The following IMPA2 variants were observed in gnomAD, a reference collection of about 807,000 sequenced individuals.
IMPA2 encodes the protein inositol monophosphatase 2.
A neutral mutation model predicts 35.1 loss-of-function variants in IMPA2; 32 were observed. The ratio of observed to expected loss-of-function variants is 0.91; its 90% CI spans 0.69 to 1.23. The LOEUF is 1.23. Among genes scored for constraint, IMPA2 ranks in the 50% most tolerant of loss-of-function variants. The pLI, the probability that IMPA2 is intolerant of heterozygous loss-of-function variation, is 0.00. For synonymous variants in IMPA2, 135 were observed against 160.6 expected, an observed-to-expected ratio of 0.84 and a Z score of 1.20; for missense variants, 334 against 387.6, an observed-to-expected ratio of 0.86 and a Z score of 1.16.
intron 1 of IMPA2, chr18:11,994,874 A>C (rs1396900844): frequency 6.6e-6 from 1 of 152,652 alleles, no homozygotes; most frequent in East Asian, 1.9e-4. Context: ...CTGTAGTCAC[A>C]GTTGGGTGAG....
At chr18:12,023,244 A>T (rs1907786243) in intron 5 of IMPA2, among the ~76,000 whole-genome samples, 2 of 152,172 alleles carry the variant, frequency 1.3e-5, no homozygotes, top group African/African-American at 4.8e-5. Context: ...GCCTTCACAC[A>T]ATCACCAGAC....
At chr18:11,997,530 A>G (rs1160987278) in intron 1 of IMPA2, among the ~76,000 whole-genome samples, 1 of 152,216 alleles carries the variant, frequency 6.6e-6, no homozygotes, top group Non-Finnish European at 1.5e-5. Context: ...TTGGCTCAGT[A>G]CAGCGTGGGC....
intron 7 of IMPA2, among the ~76,000 whole-genome samples, chr18:12,029,877 G>A (rs774438011): frequency 2.0e-5 from 3 of 152,180 alleles, no homozygotes; most frequent in Admixed American, 1.3e-4. Context: ...GAGCTTCTTC[G>A]AGTGTGGGTC....
intron 1 of IMPA2, among the ~76,000 whole-genome samples, chr18:11,987,278 C>T (rs1256477138): frequency 1.3e-5 from 2 of 152,230 alleles, no homozygotes; most frequent in Admixed American, 6.5e-5. Context: ...ACTTCCGCTG[C>T]ATGGTATTTT....
intron 7 of IMPA2, 123 bp downstream of exon 7, chr18:12,029,116 T>G (rs940425344): frequency 4.1e-5 from 36 of 881,508 alleles, no homozygotes; most frequent in South Asian, 1.3e-4. Flanking sequence ...CTGTTTTTTT[T>G]TTTTTTTTTT....
rs149521000 is a variant in IMPA2, at chr18:12,027,519, T to C, written c.491-524T>C. Among the ~76,000 whole-genome samples, 562 of 151,566 alleles carry C rather than the reference T, an allele frequency of 3.7e-3. 1 individual carries two copies. The highest frequency in any genetic ancestry group is 0.013 in the African/African-American group (517 of 41,290). On this transcript the variant is annotated intron_variant, in intron 5 of 7. Coordinates refer to ENST00000269159, the MANE Select transcript of IMPA2 (RefSeq NM_014214.3). Reference sequence around the variant, plus strand: ...ATTTTTTCCCTCCAAACATTGAGTGTTCCCAGTTTGGAGTCATTTTGCTTT... The same window carrying C: ...ATTTTTTCCCTCCAAACATTGAGTGCTCCCAGTTTGGAGTCATTTTGCTTT...
intron 3 of IMPA2, 125 bp from the exon 4 acceptor site, chr18:12,012,045 A>T: frequency 1.3e-6 from 1 of 766,302 alleles, no homozygotes; most frequent in Non-Finnish European, 2.2e-6. Context: ...AGTAGTTTTT[A>T]AACAACCAAC....
intron 7 of IMPA2, 87 bp from the exon 8 acceptor site, chr18:12,030,256 C>A: frequency 1.1e-6 from 1 of 931,870 alleles, no homozygotes; most frequent in Non-Finnish European, 1.7e-6. Context: ...ATTTCCTGTG[C>A]TGTGTGCATG....
intron 1 of IMPA2, among the ~76,000 whole-genome samples, chr18:11,985,571 G>T (rs1002453390): frequency 1.3e-5 from 2 of 152,192 alleles, no homozygotes; most frequent in African/African-American, 4.8e-5. Context: ...TACATTAGTT[G>T]TAAGTGAGTC....
chr18:12,022,592 G>T (rs1445291998), intron 5 of IMPA2, among the ~76,000 whole-genome samples: 1 of 140,786 alleles, frequency 7.1e-6, no homozygotes, highest in Non-Finnish European at 1.5e-5. Flanking sequence ...CTAAGATATG[G>T]TAAATATAGG....
chr18:11,988,950 T>A (rs1353613650), intron 1 of IMPA2, among the ~76,000 whole-genome samples: 1 of 152,108 alleles, frequency 6.6e-6, no homozygotes, highest in Non-Finnish European at 1.5e-5. Flanking sequence ...GCCTCCTGAG[T>A]AGCTGGGACT....
At chr18:12,025,425 T>C (rs1409759231) in intron 5 of IMPA2, among the ~76,000 whole-genome samples, 1 of 152,210 alleles carries the variant, frequency 6.6e-6, no homozygotes, top group East Asian at 1.9e-4. Context: ...AAGAGTATGT[T>C]TAGATTTGTA....
chr18:12,005,376 T>C (rs1199016214), intron 2 of IMPA2, among the ~76,000 whole-genome samples: 2 of 152,144 alleles, frequency 1.3e-5, no homozygotes, highest in Non-Finnish European at 2.9e-5. Flanking sequence ...TCCCAGCTAC[T>C]CAGGAGGCTG....
intron 2 of IMPA2, among the ~76,000 whole-genome samples, chr18:11,999,557 G>T (rs596136): frequency 0.2 from 30,660 of 152,248 alleles, 3,682 homozygotes; most frequent in East Asian, 0.34. Context: ...ATGTCCCCTG[G>T]TGGCCTATGC....
At chr18:11,986,156 T>C (rs1276613738) in intron 1 of IMPA2, among the ~76,000 whole-genome samples, 3 of 152,036 alleles carry the variant, frequency 2.0e-5, no homozygotes, top group African/African-American at 7.2e-5. Context: ...ACTTCCCCCT[T>C]CTCTAGTTGG....
At chr18:12,029,106 C>CTTTTTTT in intron 7 of IMPA2, 113 bp downstream of exon 7, 2 of 358,094 alleles carry the variant, frequency 5.6e-6, no homozygotes, top group African/African-American at 3.0e-5. Flanking sequence ...CCCAGAGTTT[C>CTTTTTTT]TGTTTTTTTT....
chr18:11,992,545 A>G (rs1906846978), intron 1 of IMPA2, among the ~76,000 whole-genome samples: 1 of 152,104 alleles, frequency 6.6e-6, no homozygotes, highest in South Asian at 2.1e-4. Context: ...GTTGATGGTG[A>G]CCTTTCCTTT....
At chr18:12,013,313 T>C (rs1036754091) in intron 4 of IMPA2, among the ~76,000 whole-genome samples, 1 of 152,166 alleles carries the variant, frequency 6.6e-6, no homozygotes, top group African/African-American at 2.4e-5. Flanking sequence ...ACTGACCTGG[T>C]CATGAGGATT....
At chr18:12,005,683 A>C (rs1907228648) in intron 2 of IMPA2, among the ~76,000 whole-genome samples, 1 of 152,188 alleles carries the variant, frequency 6.6e-6, no homozygotes, top group African/African-American at 2.4e-5. Context: ...GCGAATGAAC[A>C]GACAGAGCTC....
Sources: gnomAD v4.1 joint callset for allele counts (sites outside exome capture counted in the v4.1 genomes callset) on GRCh38, gnomAD v4.1.1 for gene constraint, MANE v1.5 for transcripts, NCBI Gene and HGNC (gene_info 2026-07-23, HGNC 2026-07-21) for gene names.